Variants in FHIT observed in about 807,000 individuals in gnomAD.
The protein encoded by FHIT is bis(5'-adenosyl)-triphosphatase.
FHIT carries 19 observed loss-of-function variants against 17.9 expected under a neutral mutation model. The observed-to-expected ratio is 1.06, with a 90% CI of 0.74 to 1.56. The LOEUF (loss-of-function observed/expected upper bound fraction) is 1.56. FHIT is among the 40% of genes most tolerant of loss of function. The pLI is 0.00. For synonymous variants in FHIT, 81 were observed against 69.7 expected, an observed-to-expected ratio of 1.16 and a Z score of -0.81; for missense variants, 248 against 189.2, an observed-to-expected ratio of 1.31 and a Z score of -1.82.
chr3:61,195,098 T>C (rs2038817788), intron 2 of FHIT, among the ~76,000 whole-genome samples: 1 of 151,644 alleles, frequency 6.6e-6, no homozygotes, highest in South Asian at 2.1e-4. Context: ...TTTGCCCAGA[T>C]GTCATTTAGG....
intron 7 of FHIT, among the ~76,000 whole-genome samples, chr3:59,974,615 T>C (rs1009375757): frequency 6.6e-6 from 1 of 152,156 alleles, no homozygotes; most frequent in Admixed American, 6.6e-5. Flanking sequence ...AGGATGAGTC[T>C]ATGTAAAGGC....
chr3:60,200,630 G>A (rs1158628846), intron 5 of FHIT, among the ~76,000 whole-genome samples: 4 of 150,758 alleles, frequency 2.7e-5, no homozygotes, highest in African/African-American at 7.3e-5. Context: ...AAGCACCAGT[G>A]TCTTTCTTCT....
intron 5 of FHIT, among the ~76,000 whole-genome samples, chr3:60,310,704 G>C (rs1022807601): frequency 9.2e-5 from 14 of 151,974 alleles, no homozygotes; most frequent in African/African-American, 3.1e-4. Context: ...ACAGATTAGA[G>C]GAAAGAAAGA....
intron 8 of FHIT, among the ~76,000 whole-genome samples, chr3:59,852,341 T>C (rs1701975555): frequency 6.6e-6 from 1 of 152,248 alleles, no homozygotes; most frequent in African/African-American, 2.4e-5. Context: ...CCACACCTTT[T>C]ACATGAATAC....
chr3:60,010,623 C>A (rs1037089794), intron 7 of FHIT, among the ~76,000 whole-genome samples: 2 of 152,146 alleles, frequency 1.3e-5, no homozygotes, highest in South Asian at 4.1e-4. Flanking sequence ...AAAAATAGAG[C>A]CTTTTCTATG....
At chr3:60,692,246 C>T (rs1350027188) in intron 4 of FHIT, among the ~76,000 whole-genome samples, 1 of 152,174 alleles carries the variant, frequency 6.6e-6, no homozygotes, top group African/African-American at 2.4e-5. Context: ...TCCTGACAAA[C>T]ATATTTCCAA....
intron 7 of FHIT, among the ~76,000 whole-genome samples, chr3:59,963,423 T>C (rs1707778901): frequency 2.0e-5 from 3 of 152,122 alleles, no homozygotes; most frequent in African/African-American, 7.2e-5. Flanking sequence ...CGTTAGTTCC[T>C]CAAATTATTC....
chr3:61,038,530 G>A (rs2033361560), intron 3 of FHIT, among the ~76,000 whole-genome samples: 1 of 152,206 alleles, frequency 6.6e-6, no homozygotes, highest in African/African-American at 2.4e-5. Flanking sequence ...ACATTTTCAA[G>A]TCAGTTGGGG....
intron 5 of FHIT, among the ~76,000 whole-genome samples, chr3:60,423,164 A>T (rs148888800): frequency 1.3e-5 from 2 of 152,216 alleles, no homozygotes; most frequent in East Asian, 3.9e-4. Context: ...AGCACTATAG[A>T]TGGTAGAGTA....
intron 8 of FHIT, among the ~76,000 whole-genome samples, chr3:59,918,054 T>C (rs1559729286): frequency 6.6e-6 from 1 of 152,224 alleles, no homozygotes; most frequent in Non-Finnish European, 1.5e-5. Flanking sequence ...GTTCCATCAA[T>C]GCCCCATTAA....
intron 2 of FHIT, among the ~76,000 whole-genome samples, chr3:61,147,721 G>T (rs1257768673): frequency 6.6e-6 from 1 of 151,980 alleles, no homozygotes; most frequent in Non-Finnish European, 1.5e-5. Context: ...TGGCAACCCT[G>T]TATGAAAATA....
chr3:60,210,627 G>T (rs970968854), intron 5 of FHIT, among the ~76,000 whole-genome samples: 2 of 152,160 alleles, frequency 1.3e-5, no homozygotes, highest in South Asian at 4.2e-4. Flanking sequence ...AATGCAAATG[G>T]GCCTTAAACA....
chr3:59,837,513 AC>A (rs1204375024), intron 8 of FHIT, among the ~76,000 whole-genome samples: 1 of 151,982 alleles, frequency 6.6e-6, no homozygotes, highest in Non-Finnish European at 1.5e-5. Context: ...CATTGATTGA[AC>A]CCATGGATAT....
At chr3:61,142,379 A>G (rs1418487478) in intron 2 of FHIT, among the ~76,000 whole-genome samples, 4 of 151,678 alleles carry the variant, frequency 2.6e-5, no homozygotes, top group South Asian at 2.1e-4. Flanking sequence ...TTTGTACTAC[A>G]GAAGTGCTGC....
intron 3 of FHIT, among the ~76,000 whole-genome samples, chr3:60,963,523 G>A (rs1403416036): frequency 5.9e-5 from 9 of 152,116 alleles, no homozygotes; most frequent in South Asian, 2.1e-4. Context: ...TGTGATGTTA[G>A]GGTGTCAATT....
intron 2 of FHIT, among the ~76,000 whole-genome samples, chr3:61,089,761 TC>T (rs1350251692): frequency 2.0e-5 from 3 of 151,910 alleles, no homozygotes; most frequent in Non-Finnish European, 4.4e-5. Flanking sequence ...CCCCAAATTA[TC>T]CCCCCATAAC....
chr3:60,698,210 CTAAA>C (rs2041158280), intron 4 of FHIT, among the ~76,000 whole-genome samples: 1 of 151,710 alleles, frequency 6.6e-6, no homozygotes, highest in Non-Finnish European at 1.5e-5. Flanking sequence ...AATGCAAACT[CTAAA>C]TAAAGAAGTG....
At chr3:61,186,636 G>C (rs1399726877) in intron 2 of FHIT, among the ~76,000 whole-genome samples, 2 of 152,206 alleles carry the variant, frequency 1.3e-5, no homozygotes, top group Non-Finnish European at 2.9e-5. Context: ...ACTCTGGTTA[G>C]TTTTTGAGGG....
Position 60,301,630 on chromosome 3 carries a change from T to G in FHIT, c.103+235230A>C, listed in dbSNP as rs147316769. On this transcript the variant is annotated intron_variant, in intron 5 of 9. Transcript: ENST00000492590. ...CAGTTTCCCTGGTGTTGGTTCACCT[T>G]TGCAACAGCAAGCTCATAACATGAC... Among the ~76,000 whole-genome samples the G allele has an allele frequency of 7.9e-5, 12 of 152,314 alleles. No individual in the cohort carries two copies. In the East Asian group the frequency reaches 2.3e-3, roughly 29 times the overall value.
Sources: allele counts gnomAD v4.1 joint callset (sites outside exome capture counted in the v4.1 genomes callset), GRCh38; gene constraint gnomAD v4.1.1; transcripts MANE v1.5; gene names NCBI Gene and HGNC (gene_info 2026-07-23, HGNC 2026-07-21).